The following AGBL1 variants were observed in gnomAD, a reference collection of about 807,000 sequenced individuals.
AGBL1 encodes AGBL carboxypeptidase 1.
Under a neutral mutation model 118.9 loss-of-function variants are expected in AGBL1, and 130 were observed. The ratio of observed to expected loss-of-function variants is 1.09; its 90% CI spans 0.95 to 1.26. AGBL1 has a LOEUF of 1.26. Among genes scored for constraint, AGBL1 ranks in the 50% most tolerant of loss-of-function variants. The pLI is 0.00. For synonymous variants in AGBL1, 555 were observed against 478.9 expected (o/e 1.16, Z -2.08); for missense variants, 1,584 against 1,298.1 (o/e 1.22, Z -3.38).
At chr15:86,364,710 ATT>A (rs1027102664) in intron 17 of AGBL1, among the ~76,000 whole-genome samples, 3 of 151,802 alleles carry the variant, frequency 2.0e-5, no homozygotes, top group Admixed American at 2.0e-4. Context: ...CAGTTTTAAT[ATT>A]TTTTATCTCC....
At chr15:86,921,151 C>T (rs967222531), downstream of AGBL1, among the ~76,000 whole-genome samples, 3 of 152,130 alleles carry the variant, frequency 2.0e-5, no homozygotes, top group Admixed American at 6.6e-5. Context: ...TGGGACATTT[C>T]GAAGTAGGTC....
At chr15:86,493,439 G>A (rs2082808894) in intron 18 of AGBL1, among the ~76,000 whole-genome samples, 1 of 151,896 alleles carries the variant, frequency 6.6e-6, no homozygotes, top group South Asian at 2.1e-4. Flanking sequence ...CATAGGAGAA[G>A]GTAAACTGGT....
chr15:86,538,841 G>A (rs1321180920), intron 19 of AGBL1, among the ~76,000 whole-genome samples: 1 of 152,190 alleles, frequency 6.6e-6, no homozygotes, highest in Admixed American at 6.5e-5. Context: ...CTAAGGGAGA[G>A]GTGTTTGAGA....
At chr15:86,654,649 G>T (rs938139543) in intron 21 of AGBL1, among the ~76,000 whole-genome samples, 3 of 152,060 alleles carry the variant, frequency 2.0e-5, no homozygotes, top group Non-Finnish European at 4.4e-5. Flanking sequence ...CAGGTGTCAG[G>T]GTAACGTGTT....
At chr15:86,221,619 G>A (rs1022288442) in intron 5 of AGBL1, among the ~76,000 whole-genome samples, 1 of 152,208 alleles carries the variant, frequency 6.6e-6, no homozygotes, top group Non-Finnish European at 1.5e-5. Flanking sequence ...GCACATGAGC[G>A]ACTCGATGTC....
chr15:86,537,717 C>A (rs1441809906), intron 19 of AGBL1, among the ~76,000 whole-genome samples: 1 of 152,170 alleles, frequency 6.6e-6, no homozygotes, highest in African/African-American at 2.4e-5. Context: ...TTTGAGATAT[C>A]ACACATCACT....
intron 5 of AGBL1, among the ~76,000 whole-genome samples, chr15:86,167,822 C>G (rs1227436119): frequency 2.0e-5 from 3 of 152,182 alleles, no homozygotes; most frequent in Non-Finnish European, 2.9e-5. Context: ...AGGATGAGGA[C>G]AGATTGAAAG....
chr15:86,391,209 CTG>C (rs1007679092), intron 17 of AGBL1, among the ~76,000 whole-genome samples: 3 of 151,998 alleles, frequency 2.0e-5, no homozygotes, highest in East Asian at 1.9e-4. Flanking sequence ...AAATTTATGT[CTG>C]TAAATTATAT....
rs4362360 is a variant in AGBL1, at chr15:86,397,391, T to A, written c.2400T>A (p.Thr800=). 6.2e-7 allele frequency: 1 copy of A among 1,608,926 alleles called. No homozygotes were observed. The highest frequency in any genetic ancestry group is 1.7e-5 in the Admixed American group (1 of 59,622). The change falls in exon 18 of 23, where the codon ACT becomes ACA. Residue 800 remains threonine (T), a synonymous_variant. Coordinates refer to ENST00000614907, the MANE Select transcript of AGBL1 (RefSeq NM_001386094.1). ...GACATCGTCCATATCAGGTGATCAC[T>A]GCTCGAGTTCATCCAGGAGAGAGCA... ...QFRHRPYQVI[T]ARVHPGESNA...
chr15:86,699,632 T>C (rs1402369150), intron 22 of AGBL1, among the ~76,000 whole-genome samples: 1 of 152,098 alleles, frequency 6.6e-6, no homozygotes, highest in East Asian at 1.9e-4. Flanking sequence ...TATTTTCTTT[T>C]GATTAAATTT....
chr15:87,004,800 C>A (rs1038824608), intron 24 of AGBL1, among the ~76,000 whole-genome samples: 2 of 152,130 alleles, frequency 1.3e-5, no homozygotes, highest in African/African-American at 4.8e-5. Context: ...TCTTTCTTTA[C>A]AATTTGGCAT....
At chr15:86,845,442 G>T (rs1567203682) in intron 22 of AGBL1, among the ~76,000 whole-genome samples, 1 of 152,016 alleles carries the variant, frequency 6.6e-6, no homozygotes. Context: ...GCATTCTTAG[G>T]ATAAATCTCA....
intron 18 of AGBL1, among the ~76,000 whole-genome samples, chr15:86,465,585 G>C (rs886722817): frequency 1.3e-5 from 2 of 152,172 alleles, no homozygotes; most frequent in African/African-American, 4.8e-5. Context: ...GAAAACGAAT[G>C]CATTCCCAGT....
At chr15:86,237,379 A>G (rs1266604987) in intron 6 of AGBL1, among the ~76,000 whole-genome samples, 2 of 152,110 alleles carry the variant, frequency 1.3e-5, no homozygotes, top group African/African-American at 4.8e-5. Flanking sequence ...CCTGCTGTCT[A>G]TGTTGGTTGT....
At chr15:86,119,251 A>T (rs1897944152) in intron 1 of AGBL1, among the ~76,000 whole-genome samples, 1 of 152,214 alleles carries the variant, frequency 6.6e-6, no homozygotes, top group South Asian at 2.1e-4. Context: ...AAGGTTTCTC[A>T]TCAGACACTA....
chr15:86,528,420 C>G (rs1444376123), intron 19 of AGBL1, among the ~76,000 whole-genome samples: 1 of 152,114 alleles, frequency 6.6e-6, no homozygotes. Context: ...AACGGCGCAC[C>G]ACGAGACTAT....
At chr15:86,956,266 A>AT (rs2080930532) in intron 23 of AGBL1, among the ~76,000 whole-genome samples, 1 of 149,452 alleles carries the variant, frequency 6.7e-6, no homozygotes, top group Non-Finnish European at 1.5e-5. Flanking sequence ...GATAGATTAG[A>AT]TAGATGATAG....
rs191598408 is a variant in AGBL1, at chr15:86,220,112, C to T, written c.489-4802C>T. 2.8e-3 allele frequency among the ~76,000 whole-genome samples: 426 copies of T among 152,020 alleles called. 4 individuals are homozygous for T. Among genetic ancestry groups the T allele is most frequent in the African/African-American group, 8.6e-3 (355 of 41,494 alleles). ...GATTACAGGGGCCTGCCACCATGCCCAGCTAATTTTTTGTAGTTTTTAGTA... is the reference window on the plus strand; with the variant it reads ...GATTACAGGGGCCTGCCACCATGCCTAGCTAATTTTTTGTAGTTTTTAGTA... On this transcript the variant is annotated intron_variant, in intron 5 of 22. Transcript: ENST00000614907.
At position 86,909,889 on chromosome 15, in the gene AGBL1, T is replaced by C. The variant is rs905562849; in HGVS notation, c.*2595T>C. ...CGTGACCATGACAGATAAGTTTTTATGTGGCATGTTCAGAAAAAGCCAGGA... is the reference window on the plus strand; with the variant it reads ...CGTGACCATGACAGATAAGTTTTTACGTGGCATGTTCAGAAAAAGCCAGGA... On this transcript the variant is annotated 3_prime_UTR_variant, in exon 23 of 23. Coordinates refer to ENST00000614907, the MANE Select transcript of AGBL1 (RefSeq NM_001386094.1). 1.2e-4 allele frequency: 18 copies of C among 152,226 alleles called. No homozygotes were observed. Among genetic ancestry groups the C allele is most frequent in the African/African-American group, 4.3e-4 (18 of 41,462 alleles). 9.4% of individuals were successfully genotyped at this position (152,226 alleles called of 1,614,324 possible).
Sources: allele counts gnomAD v4.1 joint callset (sites outside exome capture counted in the v4.1 genomes callset), GRCh38; gene constraint gnomAD v4.1.1; transcripts MANE v1.5; gene names NCBI Gene and HGNC (gene_info 2026-07-23, HGNC 2026-07-21).